The following LEKR1 variants were observed in gnomAD, a reference collection of about 807,000 sequenced individuals.
The protein encoded by LEKR1 is protein LEKR1.
Under a neutral mutation model 72.4 loss-of-function variants are expected in LEKR1, and 59 were observed. That is an observed-to-expected ratio of 0.82 (90% CI 0.66 to 1.01). The LOEUF (loss-of-function observed/expected upper bound fraction) is 1.01. Ranked by LOEUF, LEKR1 falls within the 50% of genes least tolerant of loss-of-function variation. The pLI, the probability that LEKR1 is intolerant of heterozygous loss-of-function variation, is 0.00. For synonymous variants in LEKR1, 257 were observed against 263.2 expected (o/e 0.98, Z 0.23); for missense variants, 728 against 759.2 (o/e 0.96, Z 0.48).
chr3:156,996,651 T>C (rs1359459043), intron 9 of LEKR1, among the ~76,000 whole-genome samples: 1 of 152,166 alleles, frequency 6.6e-6, no homozygotes, highest in African/African-American at 2.4e-5. Context: ...TTAAGAGATA[T>C]GAGAAATATG....
At chr3:156,998,995 C>A (rs1182727694) in intron 9 of LEKR1, among the ~76,000 whole-genome samples, 1 of 152,120 alleles carries the variant, frequency 6.6e-6, no homozygotes, top group Non-Finnish European at 1.5e-5. Context: ...TACTCCCATG[C>A]CATTCTCGTG....
chr3:156,924,029 T>C (rs922464203), intron 4 of LEKR1, among the ~76,000 whole-genome samples: 2 of 152,126 alleles, frequency 1.3e-5, no homozygotes, highest in African/African-American at 4.8e-5. Context: ...GCCCTGCCAA[T>C]CAATATTTAA....
chr3:156,972,515 GA>G (rs1729313549), intron 6 of LEKR1, among the ~76,000 whole-genome samples: 1 of 151,422 alleles, frequency 6.6e-6, no homozygotes, highest in Admixed American at 6.6e-5. Context: ...AATAAATAGT[GA>G]AAAAATAAAA....
chr3:157,034,740 C>T (rs1307476823), intron 12 of LEKR1, among the ~76,000 whole-genome samples: 2 of 152,180 alleles, frequency 1.3e-5, no homozygotes, highest in Non-Finnish European at 2.9e-5. Flanking sequence ...AACAGCATCA[C>T]ATGCTACAGA....
intron 6 of LEKR1, among the ~76,000 whole-genome samples, chr3:156,967,492 A>G (rs1456863608): frequency 4.6e-5 from 7 of 152,246 alleles, no homozygotes; most frequent in Non-Finnish European, 2.9e-5. Flanking sequence ...AAGCCTCATT[A>G]GCCGATTTGA....
In LEKR1 at chr3:156,891,447, AG is replaced by A. The variant is rs1325884166; in HGVS notation, c.264-29125del. 3.9e-5 allele frequency among the ~76,000 whole-genome samples: 6 copies of A among 152,166 alleles called. No homozygotes were observed. The South Asian group carries it at 1.2e-3, about 31-fold the overall frequency. ...CTTATTAATCTTTTTAATCTGGATG[AG>A]GGAAGTAAGGACTTAAAGAGTTAGT... On this transcript the variant is annotated intron_variant, in intron 3 of 12. Transcript: ENST00000356539.
At chr3:156,904,595 A>G (rs1226579346) in intron 3 of LEKR1, among the ~76,000 whole-genome samples, 1 of 151,152 alleles carries the variant, frequency 6.6e-6, no homozygotes, top group Non-Finnish European at 1.5e-5. Flanking sequence ...GAGTAACTGG[A>G]CTGCAGACAC....
chr3:156,854,845 G>T (rs1715853037), intron 3 of LEKR1, among the ~76,000 whole-genome samples: 1 of 151,864 alleles, frequency 6.6e-6, no homozygotes, highest in Non-Finnish European at 1.5e-5. Flanking sequence ...TGAGCCACGT[G>T]CCCAGCCTTA....
chr3:156,875,212 A>G (rs922911765), intron 3 of LEKR1, among the ~76,000 whole-genome samples: 2 of 152,116 alleles, frequency 1.3e-5, no homozygotes, highest in Non-Finnish European at 2.9e-5. Flanking sequence ...TGATTTTTTA[A>G]TTACGGCCAT....
At chr3:156,931,537 A>G (rs766750120) in intron 5 of LEKR1, among the ~76,000 whole-genome samples, 5 of 152,222 alleles carry the variant, frequency 3.3e-5, no homozygotes, top group Non-Finnish European at 7.4e-5. Context: ...CAAGATACTT[A>G]TATGAGAATA....
chr3:156,969,265 A>G (rs1728922186), intron 6 of LEKR1, among the ~76,000 whole-genome samples: 1 of 151,418 alleles, frequency 6.6e-6, no homozygotes, highest in African/African-American at 2.4e-5. Context: ...AAGGCAAGAA[A>G]TAGATGAGAG....
chr3:156,903,861 G>A (rs908816711), intron 3 of LEKR1, among the ~76,000 whole-genome samples: 2 of 152,320 alleles, frequency 1.3e-5, no homozygotes, highest in South Asian at 2.1e-4. Flanking sequence ...GATTGACTCA[G>A]TGTTGGGGAG....
intron 6 of LEKR1, among the ~76,000 whole-genome samples, chr3:156,955,871 T>G (rs1214899140): frequency 6.6e-6 from 1 of 151,658 alleles, no homozygotes; most frequent in Non-Finnish European, 1.5e-5. Context: ...AGGATGATGC[T>G]GGTTCTTATG....
chr3:157,008,191 T>A (rs1010373483), intron 9 of LEKR1, among the ~76,000 whole-genome samples: 5 of 152,198 alleles, frequency 3.3e-5, no homozygotes, highest in African/African-American at 7.2e-5. Context: ...TGAGCACAAT[T>A]TGAACAGTGA....
chr3:157,000,057 G>A (rs995642913), intron 9 of LEKR1, among the ~76,000 whole-genome samples: 9 of 152,102 alleles, frequency 5.9e-5, no homozygotes, highest in Admixed American at 5.2e-4. Context: ...GTAACACTGA[G>A]TCTTTAGGAG....
chr3:156,975,666 C>T lies in LEKR1; in HGVS notation c.746-3528C>T, dbSNP rs1398064206. Among the ~76,000 whole-genome samples the T allele has an allele frequency of 2.0e-5, 3 of 152,182 alleles. No homozygotes were observed. In the East Asian group the frequency reaches 5.8e-4, roughly 29 times the overall value. The stretch of plus-strand genomic sequence containing the variant: ...TCCCAAATCTGATGCCTGTGTAATG[C>T]TATCCAGCAAACAGCTGGCTTCATA... On this transcript the variant is annotated intron_variant, in intron 6 of 12. Transcript: ENST00000356539.
chr3:156,925,396 C>T (rs1464881533), intron 4 of LEKR1: 3 of 149,314 alleles, frequency 2.0e-5, no homozygotes, highest in Middle Eastern at 3.4e-3. Context: ...AGTCCTTTTA[C>T]CTCTACTCAT....
chr3:156,990,923 T>G (rs1162180031), intron 7 of LEKR1, among the ~76,000 whole-genome samples: 1 of 152,182 alleles, frequency 6.6e-6, no homozygotes. Context: ...TCTGCTCATG[T>G]GCTACTTGAT....
chr3:156,996,970 C>T (rs1246539638), intron 9 of LEKR1, among the ~76,000 whole-genome samples: 1 of 151,598 alleles, frequency 6.6e-6, no homozygotes, highest in Non-Finnish European at 1.5e-5. Flanking sequence ...GAGGCTGAGG[C>T]AGGAGAATCG....
Sources: gnomAD v4.1 joint callset for allele counts (sites outside exome capture counted in the v4.1 genomes callset) on GRCh38, gnomAD v4.1.1 for gene constraint, MANE v1.5 for transcripts, NCBI Gene and HGNC (gene_info 2026-07-23, HGNC 2026-07-21) for gene names.